PHYHIPL: variants seen among roughly 807,000 people sequenced by gnomAD.
The protein encoded by PHYHIPL is phytanoyl-CoA 2-hydroxylase interacting protein like, also known as phytanoyl-CoA hydroxylase-interacting protein-like.
In PHYHIPL, 9 loss-of-function variants were observed where a neutral mutation model predicts 33.4. That is an observed-to-expected ratio of 0.27 (90% CI 0.16 to 0.47). The LOEUF is 0.47. Among genes scored for constraint, PHYHIPL ranks in the 20% least tolerant of loss-of-function variants. The probability of loss-of-function intolerance (pLI) is 0.99; values close to 1 mark genes in which losing one functional copy is unlikely to be tolerated. For synonymous variants in PHYHIPL, 153 were observed against 154.1 expected (o/e 0.99, Z 0.05); for missense variants, 365 against 460.7 (o/e 0.79, Z 1.90).
intron 1 of PHYHIPL, among the ~76,000 whole-genome samples, chr10:59,225,035 AT>A (rs1839888508): frequency 6.6e-6 from 1 of 151,572 alleles, no homozygotes; most frequent in South Asian, 2.1e-4. Flanking sequence ...TAAAAGTCTG[AT>A]AAAAAACTTA....
At chr10:59,234,067 G>C (rs1403388016) in intron 1 of PHYHIPL, among the ~76,000 whole-genome samples, 1 of 151,732 alleles carries the variant, frequency 6.6e-6, no homozygotes, top group East Asian at 1.9e-4. Flanking sequence ...ATAGGCTCTT[G>C]AGGTTTTTTA....
intron 1 of PHYHIPL, among the ~76,000 whole-genome samples, chr10:59,200,485 C>T (rs546897115): frequency 2.6e-5 from 4 of 152,230 alleles, no homozygotes; most frequent in South Asian, 2.1e-4. Flanking sequence ...ATTTTTGCAT[C>T]GACGTTCATC....
Position 59,238,552 on chromosome 10 carries a change from A to G in PHYHIPL, c.479-36A>G. On this transcript the variant is annotated intron_variant, in intron 3 of 4. Coordinates refer to ENST00000373880, the MANE Select transcript of PHYHIPL (RefSeq NM_032439.4). ...GTATATGGTTGGTACTTTTGGTGCA[A>G]TATTTTTAATAACAGACTTTTTGGG... The G allele has an allele frequency of 3.2e-6, 4 of 1,236,970 alleles. No individual in the cohort carries two copies. In the Middle Eastern group the frequency reaches 5.8e-4, roughly 179 times the overall value. The allele number at this position is 1,236,970 out of a possible 1,614,324, so 76.6% of individuals were successfully genotyped here.
chr10:59,207,533 G>A (rs887788316), intron 1 of PHYHIPL, among the ~76,000 whole-genome samples: 1 of 152,204 alleles, frequency 6.6e-6, no homozygotes, highest in Admixed American at 6.5e-5. Context: ...CCGCAGCTCA[G>A]CAAAGTCGCT....
At chr10:59,235,568 G>A (rs1840204816) in intron 2 of PHYHIPL, among the ~76,000 whole-genome samples, 1 of 151,872 alleles carries the variant, frequency 6.6e-6, no homozygotes, top group Non-Finnish European at 1.5e-5. Flanking sequence ...GTGTGAAAGA[G>A]GGAGCAAGAT....
At chr10:59,196,169 G>T (rs1838908673) in intron 1 of PHYHIPL, among the ~76,000 whole-genome samples, 1 of 151,992 alleles carries the variant, frequency 6.6e-6, no homozygotes, top group Non-Finnish European at 1.5e-5. Flanking sequence ...ACTGAATTTA[G>T]AATTGGTCAT....
At chr10:59,220,579 A>C (rs1839741410) in intron 1 of PHYHIPL, among the ~76,000 whole-genome samples, 1 of 152,134 alleles carries the variant, frequency 6.6e-6, no homozygotes, top group African/African-American at 2.4e-5. Flanking sequence ...GCTAGCCTTA[A>C]GTTTTCCTAC....
intron 1 of PHYHIPL, among the ~76,000 whole-genome samples, chr10:59,186,886 A>C (rs1836447116): frequency 6.6e-6 from 1 of 152,170 alleles, no homozygotes; most frequent in African/African-American, 2.4e-5. Flanking sequence ...GGTTTTCTAG[A>C]TATACAATCA....
At chr10:59,188,110 T>C (rs965296573) in intron 1 of PHYHIPL, among the ~76,000 whole-genome samples, 1 of 151,816 alleles carries the variant, frequency 6.6e-6, no homozygotes, top group African/African-American at 2.4e-5. Context: ...TTTAGTGCTA[T>C]AAATTTCCCT....
chr10:59,195,896 TA>T (rs1181795391), intron 1 of PHYHIPL, among the ~76,000 whole-genome samples: 7 of 152,182 alleles, frequency 4.6e-5, no homozygotes, highest in African/African-American at 1.4e-4. Flanking sequence ...GACCATGGAA[TA>T]AAGTAATAGA....
chr10:59,203,684 A>G (rs948985471), intron 1 of PHYHIPL, among the ~76,000 whole-genome samples: 4 of 149,670 alleles, frequency 2.7e-5, no homozygotes, highest in East Asian at 2.0e-4. Flanking sequence ...GCCAAACACC[A>G]CATGTTCTCA....
intron 3 of PHYHIPL, among the ~76,000 whole-genome samples, chr10:59,237,488 A>G (rs1369132940): frequency 1.3e-5 from 2 of 151,952 alleles, no homozygotes; most frequent in Non-Finnish European, 1.5e-5. Context: ...CAGAGGCTGA[A>G]TCTACAAGAA....
chr10:59,177,275 C>T (rs1390623966), intron 1 of PHYHIPL: 3 of 610,288 alleles, frequency 4.9e-6, no homozygotes, highest in East Asian at 6.1e-5. Flanking sequence ...CGTTTCCGAT[C>T]TTTGCCGCAG....
At chr10:59,231,556 A>T (rs1840079306) in intron 1 of PHYHIPL, among the ~76,000 whole-genome samples, 1 of 152,134 alleles carries the variant, frequency 6.6e-6, no homozygotes, top group Non-Finnish European at 1.5e-5. Context: ...GAACCAAGTT[A>T]TAAAGCACTC....
chr10:59,220,570 C>T (rs1839741231), intron 1 of PHYHIPL, among the ~76,000 whole-genome samples: 1 of 151,968 alleles, frequency 6.6e-6, no homozygotes, highest in African/African-American at 2.4e-5. Context: ...AAAAAAGGTG[C>T]TAGCCTTAAG....
At chr10:59,186,329 C>G (rs1251654165) in intron 1 of PHYHIPL, among the ~76,000 whole-genome samples, 3 of 152,150 alleles carry the variant, frequency 2.0e-5, no homozygotes, top group Non-Finnish European at 4.4e-5. Flanking sequence ...GTCTCTATCT[C>G]TGTTTTGGTA....
At chr10:59,196,067 A>G (rs778620621) in intron 1 of PHYHIPL, among the ~76,000 whole-genome samples, 1 of 152,118 alleles carries the variant, frequency 6.6e-6, no homozygotes, top group Non-Finnish European at 1.5e-5. Flanking sequence ...TTGTACATAC[A>G]GATAGTGATG....
intron 1 of PHYHIPL, among the ~76,000 whole-genome samples, chr10:59,180,433 C>T (rs1166949957): frequency 6.8e-6 from 1 of 148,018 alleles, no homozygotes; most frequent in South Asian, 2.1e-4. Context: ...CTGCCTCCAG[C>T]TTTGTTATAG....
At chr10:59,200,575 A>ATCT (rs1156431703) in intron 1 of PHYHIPL, among the ~76,000 whole-genome samples, 1 of 152,172 alleles carries the variant, frequency 6.6e-6, no homozygotes, top group Admixed American at 6.5e-5. Context: ...GCCTCATAAA[A>ATCT]TGAGTTAGGG....
Sources: allele counts gnomAD v4.1 joint callset (sites outside exome capture counted in the v4.1 genomes callset), GRCh38; gene constraint gnomAD v4.1.1; transcripts MANE v1.5; gene names NCBI Gene and HGNC (gene_info 2026-07-23, HGNC 2026-07-21).